Variants in MYOM1 observed in about 807,000 individuals in gnomAD.
MYOM1 encodes myomesin 1.
MYOM1 carries 164 observed loss-of-function variants against 205.3 expected under a neutral mutation model. The ratio of observed to expected loss-of-function variants is 0.80; its 90% confidence interval spans 0.70 to 0.91. MYOM1 has a LOEUF of 0.91. Among genes scored for constraint, MYOM1 ranks in the 40% least tolerant of loss-of-function variants. The pLI is 0.00. For synonymous variants in MYOM1, 772 were observed against 789.4 expected, an observed-to-expected ratio of 0.98 and a Z score of 0.37; for missense variants, 2,011 against 2,127.3, an observed-to-expected ratio of 0.95 and a Z score of 1.08.
chr18:3,089,374 T>C, intron 28 of MYOM1, 133 bp from the exon 29 acceptor site: 1 of 833,330 alleles, frequency 1.2e-6, no homozygotes, highest in Non-Finnish European at 1.8e-6. Context: ...TTTAAATATT[T>C]TAATGTCTAC....
At chr18:3,081,438 T>C (rs1240726220) in intron 33 of MYOM1, among the ~76,000 whole-genome samples, 4 of 152,196 alleles carry the variant, frequency 2.6e-5, no homozygotes, top group Non-Finnish European at 5.9e-5. Flanking sequence ...TATCCCTGAA[T>C]GTCATAGGTA....
Position 3,078,775 on chromosome 18 carries a change from T to C in MYOM1, c.4648+404A>G, listed in dbSNP as rs560349261. Among the ~76,000 whole-genome samples the C allele has an allele frequency of 3.2e-3, 483 of 152,280 alleles. 1 individual carries two copies. The highest frequency in any genetic ancestry group is 0.011 in the African/African-American group (456 of 41,572). On this transcript the variant is annotated intron_variant, in intron 34 of 37. Transcript: ENST00000356443. ...AAGAATAAGATGAAGAGTATAGTTC[T>C]GGGAAAGGGATAAATGGTCCAGTAT... is the stretch of plus-strand genomic sequence containing the variant.
chr18:3,161,298 C>A (rs1165830997), intron 10 of MYOM1, among the ~76,000 whole-genome samples: 1 of 152,198 alleles, frequency 6.6e-6, no homozygotes, highest in Non-Finnish European at 1.5e-5. Flanking sequence ...ATTCAGTGGT[C>A]ATTTTTACTG....
At chr18:3,075,625 A>C (rs2079012911) in intron 35 of MYOM1, 100 bp downstream of exon 35, 1 of 1,450,194 alleles carries the variant, frequency 6.9e-7, no homozygotes, top group South Asian at 1.1e-5. Context: ...GTACTTTCTG[A>C]AATAAAAGGC....
intron 25 of MYOM1, among the ~76,000 whole-genome samples, chr18:3,096,405 T>C (rs752772867): frequency 2.6e-5 from 4 of 152,234 alleles, no homozygotes; most frequent in South Asian, 2.1e-4. Context: ...TAATATTTTG[T>C]TATCTCTCTC....
intron 9 of MYOM1, 40 bp downstream of exon 9, chr18:3,168,777 C>T (rs201189481): frequency 1.1e-5 from 18 of 1,606,760 alleles, no homozygotes; most frequent in South Asian, 4.4e-5. Flanking sequence ...CTACAACCTT[C>T]GAATAAGAAC....
chr18:3,191,023 G>A (rs2080896664), intron 3 of MYOM1, among the ~76,000 whole-genome samples: 1 of 152,134 alleles, frequency 6.6e-6, no homozygotes, highest in South Asian at 2.1e-4. Flanking sequence ...CAGTTAAAAA[G>A]TATGTTAGAC....
chr18:3,226,409 G>A, the MYOM1 span, among the ~76,000 whole-genome samples: 2 of 152,078 alleles, frequency 1.3e-5, no homozygotes, highest in Non-Finnish European at 2.9e-5. The surrounding 1 kb of genome is among the most constrained non-coding windows in gnomAD (Gnocchi z 4.6). Context: ...CACCCTATGA[G>A]CCTCCATAAT....
intron 2 of MYOM1, among the ~76,000 whole-genome samples, chr18:3,214,479 C>T (rs1327261492): frequency 6.6e-6 from 1 of 152,198 alleles, no homozygotes; most frequent in African/African-American, 2.4e-5. Context: ...GTCTCCCAAA[C>T]AAGGTCTGTC....
At chr18:3,242,286 T>G in the MYOM1 span, among the ~76,000 whole-genome samples, 3 of 152,226 alleles carry the variant, frequency 2.0e-5, no homozygotes, top group Non-Finnish European at 4.4e-5. Context: ...TGGGAGGTAA[T>G]TGAATCATGG....
chr18:3,208,194 G>A (rs2081149312), intron 2 of MYOM1, among the ~76,000 whole-genome samples: 2 of 152,128 alleles, frequency 1.3e-5, no homozygotes, highest in South Asian at 4.1e-4. Context: ...TTGGATTTAG[G>A]GTTGGTCTTT....
chr18:3,239,344 C>T, the MYOM1 span, among the ~76,000 whole-genome samples: 1 of 151,968 alleles, frequency 6.6e-6, no homozygotes, highest in Admixed American at 6.6e-5. Context: ...GGTGGGGGCT[C>T]GTGAGAGCCA....
chr18:3,163,743 C>T (rs904682146), intron 10 of MYOM1, among the ~76,000 whole-genome samples: 12 of 151,916 alleles, frequency 7.9e-5, no homozygotes, highest in African/African-American at 7.3e-5. Context: ...CATGAGCCAC[C>T]GGGCCTAGGT....
intron 35 of MYOM1, 72 bp downstream of exon 35, chr18:3,075,653 G>C (rs1394657932): frequency 6.6e-7 from 1 of 1,514,992 alleles, no homozygotes; most frequent in Non-Finnish European, 9.1e-7. Context: ...AACACTCAGA[G>C]GGGCGAGCAG....
chr18:3,214,634 G>A (rs1020179060), intron 2 of MYOM1, among the ~76,000 whole-genome samples: 1 of 152,146 alleles, frequency 6.6e-6, no homozygotes, highest in African/African-American at 2.4e-5. Context: ...AACCAGCCTA[G>A]CCAACATGGT....
chr18:3,090,217 A>ATTTTT (rs71159040), intron 27 of MYOM1, among the ~76,000 whole-genome samples: 2 of 124,640 alleles, frequency 1.6e-5, no homozygotes, highest in Non-Finnish European at 1.6e-5. Flanking sequence ...TGAAAACTGT[A>ATTTTT]TTTTTTTTTT....
At chr18:3,075,672 C>G (rs1322083792) in intron 35 of MYOM1, 53 bp downstream of exon 35, 5 of 1,574,468 alleles carry the variant, frequency 3.2e-6, no homozygotes. Context: ...AGCATGCAAG[C>G]TTCCCGGGAA....
intron 2 of MYOM1, among the ~76,000 whole-genome samples, chr18:3,197,729 T>A (rs533406641): frequency 6.6e-6 from 1 of 150,528 alleles, no homozygotes; most frequent in Non-Finnish European, 1.5e-5. Context: ...AAAAATTAGC[T>A]GGGCATGGTG....
chr18:3,109,772 C>CTAT (rs1352433728), intron 22 of MYOM1, among the ~76,000 whole-genome samples: 2 of 152,160 alleles, frequency 1.3e-5, no homozygotes, highest in Non-Finnish European at 2.9e-5. Context: ...TTTTACATTA[C>CTAT]TATTATTATT....
Sources: gnomAD v4.1 joint callset for allele counts (sites outside exome capture counted in the v4.1 genomes callset) on GRCh38, gnomAD v4.1.1 for gene constraint, Gnocchi (gnomAD v3.1) non-coding constraint, MANE v1.5 for transcripts, NCBI Gene and HGNC (gene_info 2026-07-23, HGNC 2026-07-21) for gene names.